SLC9A8: variants seen among roughly 807,000 people sequenced by gnomAD.
SLC9A8 encodes the protein sodium/hydrogen exchanger 8.
In SLC9A8, 48 loss-of-function variants were observed where a neutral mutation model predicts 66.6. The observed-to-expected ratio is 0.72, with a 90% CI of 0.57 to 0.92. SLC9A8 has a LOEUF of 0.92. Among genes scored for constraint, SLC9A8 ranks in the 40% least tolerant of loss-of-function variants. The probability of loss-of-function intolerance (pLI) is 0.00; values close to 1 mark genes in which losing one functional copy is unlikely to be tolerated. For missense variants in SLC9A8, 599 were observed against 747.3 expected (o/e 0.80, Z 2.31); for synonymous variants, 274 against 282.6 (o/e 0.97, Z 0.31).
Position 49,888,254 on chromosome 20 carries a change from C to A in SLC9A8, c.*318C>A, listed in dbSNP as rs1031986160. 4.8e-5 allele frequency: 15 copies of A among 313,234 alleles called. No homozygotes were observed. Among genetic ancestry groups the A allele is most frequent in the South Asian group, 3.3e-4 (12 of 36,158 alleles). 19.4% of individuals were successfully genotyped at this position (313,234 alleles called of 1,614,324 possible). ...TGTGAAGCTAGGGCGCCTACCCCCC[C>A]ACCCGGAGGACCCCTGCGGCCCCCT... On this transcript the variant is annotated 3_prime_UTR_variant, in exon 16 of 16. Coordinates refer to ENST00000361573, the MANE Select transcript of SLC9A8 (RefSeq NM_015266.3).
Position 49,860,697 on chromosome 20 carries a change from A to C in SLC9A8, c.714-2232A>C, listed in dbSNP as rs553867732. ...GATCGCACCACTGCACTCCAGCCTG[A>C]GCAACAGAGCGAGACTCCATCTCAA... On this transcript the variant is annotated intron_variant, in intron 8 of 15. Transcript: ENST00000361573. Among the ~76,000 whole-genome samples the C allele has an allele frequency of 2.2e-3, 336 of 152,240 alleles. 1 individual carries two copies. Among genetic ancestry groups the C allele is most frequent in the Middle Eastern group, 3.4e-3 (1 of 294 alleles).
chr20:49,842,675 G>GGGAGCCATTGCCAAAAGGAACTGT (rs2087816577), intron 4 of SLC9A8, among the ~76,000 whole-genome samples: 1 of 152,178 alleles, frequency 6.6e-6, no homozygotes, highest in Non-Finnish European at 1.5e-5. Flanking sequence ...AACATTTTGG[G>GGGAGCCATTGCCAAAAGGAACTGT]GGAGCCATTG....
At chr20:49,834,181 C>A (rs868292257) in intron 3 of SLC9A8, among the ~76,000 whole-genome samples, 2,154 of 44,688 alleles carry the variant, frequency 0.048, 19 homozygotes, top group Non-Finnish European at 0.06. Context: ...CTCTCTCTCT[C>A]TCTCTATATA....
At chr20:49,822,748 C>A (rs540358934) in intron 2 of SLC9A8, among the ~76,000 whole-genome samples, 35 of 152,320 alleles carry the variant, frequency 2.3e-4, no homozygotes, top group Non-Finnish European at 4.4e-4. Context: ...GATCATACCA[C>A]TGCACTCTAG....
At chr20:49,875,443 T>A (rs1359436868) in intron 11 of SLC9A8, among the ~76,000 whole-genome samples, 1 of 152,220 alleles carries the variant, frequency 6.6e-6, no homozygotes, top group African/African-American at 2.4e-5. Context: ...TTTTCCAAAC[T>A]TGTCCACAGA....
intron 10 of SLC9A8, among the ~76,000 whole-genome samples, chr20:49,872,649 C>T (rs2089259172): frequency 6.6e-6 from 1 of 152,062 alleles, no homozygotes; most frequent in South Asian, 2.1e-4. Context: ...CCATGCCCAG[C>T]TAATTTTTTG....
chr20:49,887,686 A>G (rs1327629314), intron 15 of SLC9A8, 143 bp from the exon 16 acceptor site: 2 of 608,164 alleles, frequency 3.3e-6, no homozygotes, highest in Non-Finnish European at 5.9e-6. Context: ...AGTTTGTTCA[A>G]CTGAAACTGA....
intron 2 of SLC9A8, among the ~76,000 whole-genome samples, chr20:49,820,354 G>A (rs1475713233): frequency 6.6e-6 from 1 of 151,924 alleles, no homozygotes; most frequent in Non-Finnish European, 1.5e-5. Flanking sequence ...GCTGGGTGTG[G>A]GCGTGGTGGC....
intron 3 of SLC9A8, among the ~76,000 whole-genome samples, chr20:49,828,696 A>G (rs1158296881): frequency 6.6e-6 from 1 of 151,634 alleles, no homozygotes; most frequent in Non-Finnish European, 1.5e-5. Context: ...AAAATTACCC[A>G]AGCATGGTGG....
intron 3 of SLC9A8, among the ~76,000 whole-genome samples, chr20:49,833,669 G>A (rs894590296): frequency 1.3e-5 from 2 of 152,122 alleles, no homozygotes; most frequent in East Asian, 3.8e-4. Context: ...CCGAGCCAAC[G>A]GGCCAGCATC....
At chr20:49,880,211 C>T (rs559725359) in intron 12 of SLC9A8, among the ~76,000 whole-genome samples, 5 of 148,700 alleles carry the variant, frequency 3.4e-5, no homozygotes, top group African/African-American at 1.0e-4. Context: ...TTGCATTGAG[C>T]CACAATCACA....
intron 1 of SLC9A8, among the ~76,000 whole-genome samples, chr20:49,813,449 C>T (rs1213373396): frequency 6.6e-6 from 1 of 152,284 alleles, no homozygotes; most frequent in African/African-American, 2.4e-5. Flanking sequence ...GACCAGGAGC[C>T]GCTCTCTGGG....
chr20:49,851,393 A>G (rs535857587), intron 7 of SLC9A8, among the ~76,000 whole-genome samples: 1 of 152,140 alleles, frequency 6.6e-6, no homozygotes, highest in East Asian at 1.9e-4. Flanking sequence ...GTGAGAAGCA[A>G]CCTCACTAGG....
chr20:49,871,070 A>G (rs1158777093), intron 10 of SLC9A8, among the ~76,000 whole-genome samples: 1 of 152,260 alleles, frequency 6.6e-6, no homozygotes. Flanking sequence ...AAGTGTTAAT[A>G]GTAGTTAAGA....
chr20:49,827,819 A>G (rs1163135241), intron 3 of SLC9A8, among the ~76,000 whole-genome samples: 1 of 152,004 alleles, frequency 6.6e-6, no homozygotes, highest in Non-Finnish European at 1.5e-5. Flanking sequence ...TGATTAGAAA[A>G]ACTGTGATCT....
At chr20:49,823,967 T>C (rs1465442019) in intron 3 of SLC9A8, among the ~76,000 whole-genome samples, 3 of 152,192 alleles carry the variant, frequency 2.0e-5, no homozygotes, top group Non-Finnish European at 4.4e-5. Context: ...TTTAGTGGAG[T>C]AGTAATTCTT....
chr20:49,875,962 A>C (rs945453207), intron 11 of SLC9A8, among the ~76,000 whole-genome samples: 12 of 152,220 alleles, frequency 7.9e-5, no homozygotes, highest in East Asian at 7.7e-4. Flanking sequence ...GATGGTCTCG[A>C]TCTCCTGACC....
intron 10 of SLC9A8, among the ~76,000 whole-genome samples, chr20:49,865,205 T>C (rs555150011): frequency 3.3e-5 from 5 of 152,258 alleles, no homozygotes; most frequent in Non-Finnish European, 7.4e-5. Flanking sequence ...ATTAAGTAAA[T>C]TACTCAAGGT....
At chr20:49,845,241 G>A in intron 5 of SLC9A8, 122 bp downstream of exon 5, 1 of 701,566 alleles carries the variant, frequency 1.4e-6, no homozygotes, top group Non-Finnish European at 2.5e-6. Flanking sequence ...CTCCTTCCTG[G>A]TTGTGCTCAG....
Sources: allele counts gnomAD v4.1 joint callset (sites outside exome capture counted in the v4.1 genomes callset), GRCh38; gene constraint gnomAD v4.1.1; transcripts MANE v1.5; gene names NCBI Gene and HGNC (gene_info 2026-07-23, HGNC 2026-07-21).